RIMS1: variants seen among roughly 807,000 people sequenced by gnomAD.
RIMS1 encodes the protein regulating synaptic membrane exocytosis 1.
RIMS1 carries 83 observed loss-of-function variants against 214.1 expected under a neutral mutation model. The ratio of observed to expected loss-of-function variants is 0.39; its 90% CI spans 0.32 to 0.47. The LOEUF is 0.47. Among genes scored for constraint, RIMS1 ranks in the 20% least tolerant of loss-of-function variants. RIMS1 has a pLI of 0.99. For missense variants in RIMS1, 2,050 were observed against 2,161.8 expected (o/e 0.95, Z 1.03); for synonymous variants, 793 against 786.8 (o/e 1.01, Z -0.13).
intron 4 of RIMS1, among the ~76,000 whole-genome samples, chr6:72,124,187 G>A (rs11751129): frequency 6.6e-6 from 1 of 151,786 alleles, no homozygotes; most frequent in East Asian, 1.9e-4. Flanking sequence ...AAATCTCTCA[G>A]CATTTGCTTG....
chr6:72,068,285 A>G (rs1292069016), intron 2 of RIMS1, among the ~76,000 whole-genome samples: 1 of 152,190 alleles, frequency 6.6e-6, no homozygotes, highest in Non-Finnish European at 1.5e-5. Flanking sequence ...TAACCTTTGT[A>G]GCTTTTTTTT....
chr6:71,922,726 T>C (rs954488657), intron 1 of RIMS1, among the ~76,000 whole-genome samples: 3 of 151,462 alleles, frequency 2.0e-5, no homozygotes, highest in Non-Finnish European at 3.0e-5. Flanking sequence ...AAAGCTCGTA[T>C]AGTTTATTCC....
intron 22 of RIMS1, among the ~76,000 whole-genome samples, chr6:72,268,928 G>T (rs2081795429): frequency 6.6e-6 from 1 of 152,036 alleles, no homozygotes; most frequent in African/African-American, 2.4e-5. Flanking sequence ...TTCCCTGATT[G>T]GCAAGGAGTG....
At chr6:72,216,279 G>A (rs1230381798) in intron 6 of RIMS1, among the ~76,000 whole-genome samples, 1 of 152,128 alleles carries the variant, frequency 6.6e-6, no homozygotes, top group Non-Finnish European at 1.5e-5. Context: ...AAAATCTATT[G>A]TATTATGAAT....
At chr6:72,224,572 T>C (rs1322051442) in intron 6 of RIMS1, among the ~76,000 whole-genome samples, 1 of 152,206 alleles carries the variant, frequency 6.6e-6, no homozygotes, top group East Asian at 1.9e-4. Context: ...ATAATTATAT[T>C]GGAAATATAG....
At chr6:72,264,896 C>T in intron 19 of RIMS1, 79 bp from the exon 20 acceptor site, 1 of 870,346 alleles carries the variant, frequency 1.1e-6, no homozygotes, top group Admixed American at 2.3e-5. Flanking sequence ...TATAGGCCTC[C>T]TACTTTCTGA....
intron 2 of RIMS1, among the ~76,000 whole-genome samples, chr6:72,051,499 G>A (rs193068479): frequency 6.6e-6 from 1 of 152,290 alleles, no homozygotes; most frequent in East Asian, 1.9e-4. Flanking sequence ...TAGCGAGAGA[G>A]GCTGAGTTCT....
intron 2 of RIMS1, among the ~76,000 whole-genome samples, chr6:72,019,969 C>A (rs553239929): frequency 6.6e-6 from 1 of 152,290 alleles, no homozygotes; most frequent in African/African-American, 2.4e-5. Context: ...TATTCTATAA[C>A]TCTGAGAACT....
chr6:72,275,352 A>AT (rs200241502), intron 23 of RIMS1, among the ~76,000 whole-genome samples: 4,220 of 151,304 alleles, frequency 0.028, 224 homozygotes, highest in African/African-American at 0.098. Flanking sequence ...AAATGTACAG[A>AT]TTTTTTTTAG....
Position 72,130,962 on chromosome 6 carries a change from A to G in RIMS1, c.471+30976A>G, listed in dbSNP as rs543827454. Among the ~76,000 whole-genome samples, 5 of 152,322 alleles carry G rather than the reference A, an allele frequency of 3.3e-5. No homozygotes were observed. In the South Asian group the frequency reaches 1.0e-3, roughly 32 times the overall value. On this transcript the variant is annotated intron_variant, in intron 4 of 33. Transcript: ENST00000521978. The stretch of plus-strand genomic sequence containing the variant: ...TATCTTGTTATTTCAAAGAAATTCA[A>G]CAGTTCAGAAAGTGCAAAGTTAAAA...
At chr6:71,890,600 T>TAAAAAAA (rs1769487019) in intron 1 of RIMS1, among the ~76,000 whole-genome samples, 1 of 74,558 alleles carries the variant, frequency 1.3e-5, no homozygotes, top group Non-Finnish European at 2.9e-5. Context: ...AAAAAAAACT[T>TAAAAAAA]CATAGAGAAA....
At chr6:72,093,098 C>T (rs1381453259) in intron 2 of RIMS1, among the ~76,000 whole-genome samples, 1 of 151,648 alleles carries the variant, frequency 6.6e-6, no homozygotes, top group African/African-American at 2.4e-5. Context: ...AAAAAATAAA[C>T]TACATCATGT....
At chr6:72,282,844 T>A (rs2090808074) in intron 23 of RIMS1, among the ~76,000 whole-genome samples, 1 of 152,116 alleles carries the variant, frequency 6.6e-6, no homozygotes, top group South Asian at 2.1e-4. Context: ...TTTCTTCCTT[T>A]TTTATCTTAA....
chr6:72,255,300 A>G (rs899973570), intron 16 of RIMS1, among the ~76,000 whole-genome samples: 1 of 152,150 alleles, frequency 6.6e-6, no homozygotes, highest in African/African-American at 2.4e-5. Flanking sequence ...ATGAAGAAAA[A>G]ATTTGTTTAG....
intron 1 of RIMS1, among the ~76,000 whole-genome samples, chr6:71,928,566 A>T (rs1782191849): frequency 6.6e-6 from 1 of 152,166 alleles, no homozygotes; most frequent in South Asian, 2.1e-4. Flanking sequence ...ATAGAAAAGA[A>T]CATGTACAAA....
At chr6:72,076,221 AT>A (rs1831822707) in intron 2 of RIMS1, among the ~76,000 whole-genome samples, 1 of 152,184 alleles carries the variant, frequency 6.6e-6, no homozygotes, top group African/African-American at 2.4e-5. Context: ...AAAAAACAAT[AT>A]TATTATCCCC....
chr6:71,886,640 G>GT lies in RIMS1; in HGVS notation c.-384_-383insT, dbSNP rs1482040160. On this transcript the variant is annotated 5_prime_UTR_variant, in exon 1 of 34. Transcript: ENST00000521978. ...CAGCCCCAGCCCCAGCCCCGCCCCC[G>GT]CCCCGCGCCCCGCCGGAGACGCCCG... 1 of 142,850 alleles carries GT rather than the reference G, an allele frequency of 7.0e-6. No homozygotes were observed. The highest frequency in any genetic ancestry group is 6.9e-5 in the Admixed American group (1 of 14,570). The allele number at this position is 142,850 out of a possible 1,614,324, so 8.8% of individuals were successfully genotyped here.
At chr6:72,264,029 AT>A in intron 19 of RIMS1, 2 of 775,170 alleles carry the variant, frequency 2.6e-6, no homozygotes, top group East Asian at 1.3e-4. Context: ...ATTTTAGTTC[AT>A]TTTTTAATTG....
intron 29 of RIMS1, 63 bp from the exon 30 acceptor site, chr6:72,390,535 A>C: frequency 6.8e-7 from 1 of 1,463,576 alleles, no homozygotes; most frequent in Non-Finnish European, 9.3e-7. Flanking sequence ...TGCAGGATCA[A>C]TTGATATTCA....
Sources: gnomAD v4.1 joint callset for allele counts (sites outside exome capture counted in the v4.1 genomes callset) on GRCh38, gnomAD v4.1.1 for gene constraint, MANE v1.5 for transcripts, NCBI Gene and HGNC (gene_info 2026-07-23, HGNC 2026-07-21) for gene names.